Variants in NCOA6 observed in about 807,000 individuals in gnomAD.
The protein encoded by NCOA6 is nuclear receptor coactivator 6.
NCOA6 carries 49 observed loss-of-function variants against 171.4 expected under a neutral mutation model. That is an observed-to-expected ratio of 0.29 (90% CI 0.23 to 0.36). The LOEUF (loss-of-function observed/expected upper bound fraction) is 0.36. NCOA6 is among the 10% of genes least tolerant of loss of function. NCOA6 has a pLI of 1.00. For missense variants in NCOA6, 2,248 were observed against 2,554.5 expected (o/e 0.88, Z 2.59); for synonymous variants, 910 against 927.5 (o/e 0.98, Z 0.34).
Position 34,784,388 on chromosome 20 carries a change from C to T in NCOA6, c.-49-1984G>A, listed in dbSNP as rs1364987985. On this transcript the variant is annotated intron_variant, in intron 2 of 14. Coordinates refer to ENST00000359003, the MANE Select transcript of NCOA6 (RefSeq NM_014071.5). ...TACAGGCGTGTACCACCGTGCCCAG[C>T]TAATTTTTAAAATTTTTTGCAGAGA... 2.0e-5 allele frequency among the ~76,000 whole-genome samples: 3 copies of T among 152,014 alleles called. No individual in the cohort carries two copies. In the South Asian group the frequency reaches 6.2e-4, roughly 32 times the overall value.
At chr20:34,750,541 A>G (rs1478047264) in intron 8 of NCOA6, 22 bp from the exon 9 acceptor site, 6 of 1,545,936 alleles carry the variant, frequency 3.9e-6, no homozygotes, top group Non-Finnish European at 5.2e-6. Context: ...AAAAAGTCAC[A>G]GTTTCAGAAA....
intron 14 of NCOA6, among the ~76,000 whole-genome samples, chr20:34,724,774 T>C (rs1032967991): frequency 1.3e-5 from 2 of 152,076 alleles, no homozygotes; most frequent in African/African-American, 4.8e-5. Context: ...CGTCTTTCAA[T>C]GTGGTAAAGA....
At chr20:34,715,392 A>C (rs1988405678) in intron 14 of NCOA6, 27 bp from the exon 15 acceptor site, 3 of 1,559,046 alleles carry the variant, frequency 1.9e-6, no homozygotes, top group Non-Finnish European at 2.7e-6. Context: ...GGACATGTTC[A>C]GTGGAAGTAA....
chr20:34,720,159 A>G (rs2146922817), intron 14 of NCOA6, among the ~76,000 whole-genome samples: 1 of 152,378 alleles, frequency 6.6e-6, no homozygotes, highest in Admixed American at 6.5e-5. Flanking sequence ...TGAAAATATA[A>G]CAACAACTAT....
At position 34,749,428 on chromosome 20, in the gene NCOA6, T is replaced by C; in HGVS notation, c.2767A>G (p.Lys923Glu). ...TTTAGATCTTGCTGACTATTTTTCT[T>C]CTTCCGAGGGGGTTTCTTCTTCTTC... ...KPKKKKPPRK[K>E]KNSQQDLNTP... The change falls in exon 9 of 15, where the codon AAG becomes GAG. Residue 923 changes from lysine (K) to glutamate (E), a missense_variant. Physicochemically the swap from Lys to Glu is moderately conservative, Grantham distance 56 (BLOSUM62 1). Coordinates refer to ENST00000359003, the MANE Select transcript of NCOA6 (RefSeq NM_014071.5). 2.5e-6 allele frequency: 4 copies of C among 1,605,722 alleles called. No individual in the cohort carries two copies. The highest frequency in any genetic ancestry group is 3.4e-6 in the Non-Finnish European group (4 of 1,174,640).
chr20:34,753,071 C>A (rs1327701498), intron 8 of NCOA6, among the ~76,000 whole-genome samples: 1 of 149,086 alleles, frequency 6.7e-6, no homozygotes, highest in African/African-American at 2.5e-5. Context: ...GAGATGAAGT[C>A]TCTCTCTGTC....
intron 2 of NCOA6, among the ~76,000 whole-genome samples, chr20:34,787,092 A>C (rs1014336342): frequency 2.0e-5 from 3 of 151,336 alleles, no homozygotes; most frequent in Non-Finnish European, 4.4e-5. Context: ...TCTAATATCC[A>C]GGGCCCACAA....
At chr20:34,716,831 A>G (rs533564719) in intron 14 of NCOA6, among the ~76,000 whole-genome samples, 68 of 152,304 alleles carry the variant, frequency 4.5e-4, no homozygotes, top group African/African-American at 1.6e-3. Context: ...GAAGCTCTCC[A>G]AAGGTAAACA....
At chr20:34,810,423 A>G (rs1181097702) in intron 1 of NCOA6, among the ~76,000 whole-genome samples, 2 of 152,270 alleles carry the variant, frequency 1.3e-5, no homozygotes, top group Non-Finnish European at 2.9e-5. Context: ...TGAGAACTGC[A>G]AAAAACAAGC....
intron 5 of NCOA6, among the ~76,000 whole-genome samples, chr20:34,766,637 A>G (rs557931094): frequency 1.3e-5 from 2 of 152,324 alleles, no homozygotes; most frequent in East Asian, 3.9e-4. Context: ...TACTAGCCCA[A>G]GAGAGCTTTT....
intron 1 of NCOA6, among the ~76,000 whole-genome samples, chr20:34,806,930 A>G (rs1212732916): frequency 1.3e-5 from 2 of 152,146 alleles, no homozygotes. Flanking sequence ...TGTTTTTTCT[A>G]AAGAAGTCTG....
intron 14 of NCOA6, among the ~76,000 whole-genome samples, chr20:34,717,007 C>T (rs1420141983): frequency 6.6e-6 from 1 of 152,146 alleles, no homozygotes; most frequent in Non-Finnish European, 1.5e-5. Context: ...GGTAACTAGG[C>T]TGAATTTTCT....
chr20:34,746,786 A>C (rs2145652724), intron 10 of NCOA6, 21 bp downstream of exon 10: 1 of 1,600,458 alleles, frequency 6.2e-7, no homozygotes, highest in Non-Finnish European at 8.5e-7. Flanking sequence ...TAAGTATATA[A>C]TCTAGCTAAC....
At chr20:34,722,426 A>C (rs575728445) in intron 14 of NCOA6, among the ~76,000 whole-genome samples, 176 of 151,762 alleles carry the variant, frequency 1.2e-3, no homozygotes, top group African/African-American at 3.9e-3. Context: ...AATTAAAAAA[A>C]AACTTTCATA....
chr20:34,749,854 T>C lies in NCOA6; in HGVS notation c.2341A>G (p.Met781Val). 1.2e-6 allele frequency: 2 copies of C among 1,614,210 alleles called. No individual in the cohort carries two copies. Among genetic ancestry groups the C allele is most frequent in the Non-Finnish European group, 8.5e-7 (1 of 1,180,040 alleles). The change falls in exon 9 of 15, where the codon ATG (methionine) becomes GTG (valine). Residue 781 changes from methionine to valine, a missense_variant. Met to Val is a conservative substitution (Grantham distance 21, BLOSUM62 1). This residue lies in a region of NCOA6 where 987 missense variants were observed against 1,104.7 expected (regional missense o/e 0.89). Transcript: ENST00000359003. ...GPVNNSPSQV[M>V]GIQGQVLRPP... Reference sequence around the variant, plus strand: ...CGCAGGACCTGTCCCTGAATGCCCATAACCTGAGATGGACTGTTGTTCACA... The same window carrying C: ...CGCAGGACCTGTCCCTGAATGCCCACAACCTGAGATGGACTGTTGTTCACA...
At chr20:34,810,621 T>C (rs1234931837) in intron 1 of NCOA6, among the ~76,000 whole-genome samples, 1 of 151,942 alleles carries the variant, frequency 6.6e-6, no homozygotes, top group Non-Finnish European at 1.5e-5. Flanking sequence ...AGTGGTGCAA[T>C]CTCGGCTCAC....
At chr20:34,732,711 G>A in intron 12 of NCOA6, 116 bp from the exon 13 acceptor site, 1 of 803,902 alleles carries the variant, frequency 1.2e-6, no homozygotes, top group Non-Finnish European at 2.0e-6. Flanking sequence ...GTGCCCAGCA[G>A]GATTCTCACC....
intron 2 of NCOA6, among the ~76,000 whole-genome samples, chr20:34,785,876 TAAAAA>T (rs33961774): frequency 7.3e-6 from 1 of 136,190 alleles, no homozygotes; most frequent in African/African-American, 2.7e-5. Flanking sequence ...ACACAGTACT[TAAAAA>T]AAAAAAAAAA....
chr20:34,784,256 G>A (rs544801060), intron 2 of NCOA6, among the ~76,000 whole-genome samples: 5 of 150,682 alleles, frequency 3.3e-5, no homozygotes, highest in South Asian at 2.1e-4. Context: ...TTTGAGACAC[G>A]GTCTTTCTCT....
Sources: allele counts gnomAD v4.1 joint callset (sites outside exome capture counted in the v4.1 genomes callset), GRCh38; gene constraint gnomAD v4.1.1; regional missense constraint gnomAD v4.1.1; transcripts MANE v1.5; gene names NCBI Gene and HGNC (gene_info 2026-07-23, HGNC 2026-07-21).